SWT1: variants seen among roughly 807,000 people sequenced by gnomAD.
SWT1 encodes transcriptional protein SWT1.
A neutral mutation model predicts 107.3 loss-of-function variants in SWT1; 33 were observed. The ratio of observed to expected loss-of-function variants is 0.31; its 90% CI spans 0.23 to 0.41. SWT1 has a LOEUF of 0.41. Among genes scored for constraint, SWT1 ranks in the 10% least tolerant of loss-of-function variants. SWT1 has a pLI of 1.00. For synonymous variants in SWT1, 345 were observed against 348.3 expected (o/e 0.99, Z 0.11); for missense variants, 898 against 1,028.9 (o/e 0.87, Z 1.74).
intron 9 of SWT1, 124 bp downstream of exon 9, chr1:185,185,055 G>A (rs930184806): frequency 1.6e-6 from 1 of 618,116 alleles, no homozygotes; most frequent in Non-Finnish European, 2.5e-6. Flanking sequence ...AATGGAAGGG[G>A]CATTGTGATG....
chr1:185,180,752 G>C (rs998348344), intron 6 of SWT1, among the ~76,000 whole-genome samples: 1 of 152,114 alleles, frequency 6.6e-6, no homozygotes, highest in Non-Finnish European at 1.5e-5. Flanking sequence ...TATGCCTAGG[G>C]TTGCCAAAAT....
At chr1:185,176,916 G>T in intron 5 of SWT1, 2 of 542,794 alleles carry the variant, frequency 3.7e-6, no homozygotes, top group Non-Finnish European at 4.7e-6. Flanking sequence ...CCTGGGAGGC[G>T]GCCCTTGCAG....
chr1:185,167,170 A>G (rs1654653211), intron 3 of SWT1, among the ~76,000 whole-genome samples: 1 of 152,138 alleles, frequency 6.6e-6, no homozygotes. Flanking sequence ...AGCCTCCCAG[A>G]GGTTATATTT....
Position 185,206,747 on chromosome 1 carries a change from C to T in SWT1, c.1956C>T (p.Tyr652=), listed in dbSNP as rs1236878122. 1 of 1,596,732 alleles carries T rather than the reference C, an allele frequency of 6.3e-7. No homozygotes were observed. The highest frequency in any genetic ancestry group is 1.8e-5 in the Admixed American group (1 of 55,914). Residue 652 remains tyrosine (Y), a synonymous_variant, in exon 13 of 19, where the codon TAC becomes TAT. Transcript: ENST00000367500. ...KNLLLTIESL[Y]KNLRKANKAV... ...TGCTTTTAACTATTGAGAGCCTATA[C>T]AAAAATCTCCGTAAAGGTATGAATC...
At chr1:185,237,822 G>A (rs1661000908) in intron 16 of SWT1, among the ~76,000 whole-genome samples, 1 of 152,064 alleles carries the variant, frequency 6.6e-6, no homozygotes, top group African/African-American at 2.4e-5. Context: ...GTGGAACCAG[G>A]GTTAAGAAGA....
At position 185,221,905 on chromosome 1, in the gene SWT1, A is replaced by G. The variant is rs765891382; in HGVS notation, c.2178A>G (p.Glu726=). 6.2e-7 allele frequency: 1 copy of G among 1,611,516 alleles called. No homozygotes were observed. Among genetic ancestry groups the G allele is most frequent in the East Asian group, 2.2e-5 (1 of 44,768 alleles). ...SSENTVTKKQ[E]GTSLKNSHNQ... is the part of the protein sequence containing the mutation. The stretch of plus-strand genomic sequence containing the variant: ...AAAACACAGTGACTAAAAAGCAGGA[A>G]GGTACTTCATTGAAGAATTCTCATA... The change falls in exon 15 of 19, where the codon GAA becomes GAG. Residue 726 remains glutamate (E), a synonymous_variant. Transcript: ENST00000367500.
intron 15 of SWT1, among the ~76,000 whole-genome samples, chr1:185,230,381 A>G (rs1353473513): frequency 6.6e-6 from 1 of 152,158 alleles, no homozygotes; most frequent in Non-Finnish European, 1.5e-5. Context: ...TTTCTGAGGG[A>G]GGATCTGTTT....
At chr1:185,231,816 G>A (rs1660526764) in intron 16 of SWT1, 108 bp downstream of exon 16, 2 of 703,638 alleles carry the variant, frequency 2.8e-6, no homozygotes, top group Non-Finnish European at 4.7e-6. Context: ...ATAGACCGTG[G>A]CACTTTATAG....
At chr1:185,170,723 C>G (rs949688683) in intron 4 of SWT1, among the ~76,000 whole-genome samples, 1 of 152,196 alleles carries the variant, frequency 6.6e-6, no homozygotes, top group East Asian at 1.9e-4. Flanking sequence ...TTTTAACAGT[C>G]GTTGTCCAGA....
At chr1:185,259,955 C>T (rs111312267) in intron 16 of SWT1, among the ~76,000 whole-genome samples, 33 of 152,246 alleles carry the variant, frequency 2.2e-4, no homozygotes, top group African/African-American at 6.3e-4. Flanking sequence ...ATCAGCAGTA[C>T]GTTTGCAAAC....
At chr1:185,221,786 C>T (rs1334340548) in intron 14 of SWT1, 63 bp from the exon 15 acceptor site, 1 of 1,189,610 alleles carries the variant, frequency 8.4e-7, no homozygotes, top group African/African-American at 1.6e-5. Context: ...ACAGTTGCCA[C>T]TCTCTTTTTC....
At position 185,206,628 on chromosome 1, in the gene SWT1, C is replaced by A; in HGVS notation, c.1837C>A (p.Leu613Met). ...TTTTTTTCTACATACTCTTTAGATC[C>A]TGTACCTGAAACCACCATGGACTCT... is the stretch of plus-strand genomic sequence containing the variant. ...IAFGNLWMEI[L>M]YLKPPWTLLH... The change falls in exon 13 of 19, where the codon CTG becomes ATG. Residue 613 changes from leucine (L) to methionine (M), a missense_variant. This residue lies in a region of SWT1 where 382 missense variants were observed against 460.0 expected (regional missense o/e 0.83). Transcript: ENST00000367500. The A allele has an allele frequency of 6.5e-7, 1 of 1,539,466 alleles. No homozygotes were observed. The highest frequency in any genetic ancestry group is 8.7e-7 in the Non-Finnish European group (1 of 1,146,310).
Position 185,216,541 on chromosome 1 carries a change from C to T in SWT1, c.2121+1886C>T, listed in dbSNP as rs1057318561. On this transcript the variant is annotated intron_variant, in intron 14 of 18. Transcript: ENST00000367500. ...ACAATAATGTGTAGTTTTTAATCCT[C>T]TTCATCGATAAAAACCTACAGATGG... 2.0e-5 allele frequency among the ~76,000 whole-genome samples: 3 copies of T among 152,142 alleles called. No homozygotes were observed. In the East Asian group the frequency reaches 5.8e-4, roughly 29 times the overall value.
intron 10 of SWT1, among the ~76,000 whole-genome samples, chr1:185,194,094 A>G (rs574040842): frequency 1.3e-5 from 2 of 152,278 alleles, no homozygotes; most frequent in South Asian, 4.1e-4. Flanking sequence ...TCTAGTATGA[A>G]TGCAACTATT....
intron 15 of SWT1, among the ~76,000 whole-genome samples, chr1:185,225,805 G>C (rs115876087): frequency 1.3e-5 from 2 of 152,142 alleles, no homozygotes; most frequent in Non-Finnish European, 2.9e-5. Flanking sequence ...TAAGTGACAC[G>C]ACTGTATTAC....
intron 13 of SWT1, among the ~76,000 whole-genome samples, chr1:185,207,123 G>A (rs540450969): frequency 3.9e-5 from 6 of 151,944 alleles, no homozygotes; most frequent in South Asian, 4.1e-4. Flanking sequence ...GACTTTTTTC[G>A]TTTCTTACAG....
At chr1:185,163,674 G>A (rs1054890356) in intron 2 of SWT1, among the ~76,000 whole-genome samples, 1 of 152,170 alleles carries the variant, frequency 6.6e-6, no homozygotes, top group African/African-American at 2.4e-5. Context: ...GATTACAGGC[G>A]TGAGCCACCG....
intron 10 of SWT1, among the ~76,000 whole-genome samples, chr1:185,196,024 T>G (rs1173076422): frequency 6.6e-6 from 1 of 152,220 alleles, no homozygotes; most frequent in African/African-American, 2.4e-5. Flanking sequence ...GTTTTGGCTT[T>G]TGTTGCCATT....
intron 10 of SWT1, among the ~76,000 whole-genome samples, chr1:185,194,079 CTTT>C (rs1657187445): frequency 6.6e-6 from 1 of 152,116 alleles, no homozygotes; most frequent in African/African-American, 2.4e-5. Flanking sequence ...CTAAAGTCTT[CTTT>C]GTCTAGTATG....
Sources: allele counts gnomAD v4.1 joint callset (sites outside exome capture counted in the v4.1 genomes callset), GRCh38; gene constraint gnomAD v4.1.1; regional missense constraint gnomAD v4.1.1; transcripts MANE v1.5; gene names NCBI Gene and HGNC (gene_info 2026-07-23, HGNC 2026-07-21).